The following IMPACT variants were observed in gnomAD, a reference collection of about 807,000 sequenced individuals.
The protein encoded by IMPACT is protein IMPACT.
IMPACT carries 35 observed loss-of-function variants against 47.5 expected under a neutral mutation model. The observed-to-expected ratio is 0.74, with a 90% CI of 0.56 to 0.98. The LOEUF (loss-of-function observed/expected upper bound fraction) is 0.98, where lower values mean the gene tolerates loss of function less well. IMPACT is among the 50% of genes least tolerant of loss of function. The pLI, the probability that IMPACT is intolerant of heterozygous loss-of-function variation, is 0.00. For missense variants in IMPACT, 373 were observed against 394.8 expected (o/e 0.94, Z 0.47); for synonymous variants, 118 against 125.6 (o/e 0.94, Z 0.40).
intron 7 of IMPACT, among the ~76,000 whole-genome samples, chr18:24,443,556 T>G (rs891137989): frequency 4.6e-5 from 7 of 152,196 alleles, no homozygotes; most frequent in African/African-American, 1.7e-4. Context: ...AAATACCCAT[T>G]GTGTTATTAG....
At chr18:24,448,214 C>A (rs763543133) in intron 9 of IMPACT, 31 bp downstream of exon 9, 1 of 1,413,220 alleles carries the variant, frequency 7.1e-7, no homozygotes, top group Non-Finnish European at 9.9e-7. Flanking sequence ...CAATCCTGTT[C>A]TGTACAAGCC....
At chr18:24,443,561 T>G (rs1568089144) in intron 7 of IMPACT, among the ~76,000 whole-genome samples, 1 of 152,244 alleles carries the variant, frequency 6.6e-6, no homozygotes, top group Non-Finnish European at 1.5e-5. Context: ...CCCATTGTGT[T>G]ATTAGAGAAA....
rs1432453396 is a variant in IMPACT, at chr18:24,451,038, G to A, written c.*191G>A. Reference sequence around the variant, plus strand: ...TAGAGAACTTATGATCTATTCATGTGTGTTTCAGGCTTATTTGGGAGAACT... The same window carrying A: ...TAGAGAACTTATGATCTATTCATGTATGTTTCAGGCTTATTTGGGAGAACT... On this transcript the variant is annotated 3_prime_UTR_variant, in exon 11 of 11. Transcript: ENST00000284202. 1 of 426,926 alleles carries A rather than the reference G, an allele frequency of 2.3e-6. No homozygotes were observed. The highest frequency in any genetic ancestry group is 2.0e-5 in the African/African-American group (1 of 49,120). 26.4% of individuals were successfully genotyped at this position (426,926 alleles called of 1,614,324 possible). A position where few individuals can be genotyped will look rare whatever the true frequency, so the allele number is the denominator to read the frequency against.
intron 5 of IMPACT, chr18:24,439,530 G>A (rs1313691): frequency 1.3e-5 from 2 of 152,034 alleles, no homozygotes; most frequent in Non-Finnish European, 2.9e-5. Flanking sequence ...CCAGCTACTC[G>A]GGAGGCTGAG....
intron 8 of IMPACT, among the ~76,000 whole-genome samples, chr18:24,446,056 A>T (rs1909241183): frequency 6.6e-6 from 1 of 152,148 alleles, no homozygotes; most frequent in Non-Finnish European, 1.5e-5. Context: ...CTTGATATAT[A>T]GCCAAATTTC....
At chr18:24,437,000 G>C (rs1303303320) in intron 4 of IMPACT, among the ~76,000 whole-genome samples, 2 of 152,156 alleles carry the variant, frequency 1.3e-5, no homozygotes, top group Non-Finnish European at 2.9e-5. Context: ...TTTAGTTTTA[G>C]TACTAGGAAT....
chr18:24,428,156 G>A, intron 2 of IMPACT, 109 bp downstream of exon 2: 1 of 1,083,192 alleles, frequency 9.2e-7, no homozygotes, highest in South Asian at 1.9e-5. Context: ...TTTGTTCTTG[G>A]CTTTTCTCAA....
chr18:24,445,370 T>G, intron 7 of IMPACT, 23 bp from the exon 8 acceptor site: 1 of 1,353,086 alleles, frequency 7.4e-7, no homozygotes, highest in Non-Finnish European at 1.0e-6. Flanking sequence ...AGCATACTTA[T>G]TTATATTATT....
Position 24,450,977 on chromosome 18 carries a change from T to G in IMPACT, c.*130T>G. 1.9e-6 allele frequency: 1 copy of G among 528,944 alleles called. No homozygotes were observed. The highest frequency in any genetic ancestry group is 1.9e-5 in the African/African-American group (1 of 51,578). The allele number at this position is 528,944 out of a possible 1,614,324, so 32.8% of individuals were successfully genotyped here. A position where few individuals can be genotyped will look rare whatever the true frequency, so the allele number is the denominator to read the frequency against. On this transcript the variant is annotated 3_prime_UTR_variant, in exon 11 of 11. Coordinates refer to ENST00000284202, the MANE Select transcript of IMPACT (RefSeq NM_018439.4). ...AGCCAGTTCAGCATGGATACCAACATTAGCTTTTCTTCTTGGTTATATCAT... is the reference window on the plus strand; with the variant it reads ...AGCCAGTTCAGCATGGATACCAACAGTAGCTTTTCTTCTTGGTTATATCAT...
chr18:24,427,978 CTG>C lies in IMPACT; in HGVS notation c.99_100del (p.Ala34GlnfsTer6). The C allele has an allele frequency of 6.2e-7, 1 of 1,602,560 alleles. No homozygotes were observed. Among genetic ancestry groups the C allele is most frequent in the Non-Finnish European group, 8.5e-7 (1 of 1,176,752 alleles). On this transcript the variant is annotated frameshift_variant, in exon 2 of 11. Coordinates refer to ENST00000284202, the MANE Select transcript of IMPACT (RefSeq NM_018439.4). LOFTEE classifies it high-confidence loss of function. ...GCGAGGAGTGGTGTGTCATTGATGA[CTG>C]TGCCAAAATATTTTGTATTAGAATT... ...YGEEWCVIDD[C>X]AKIFCIRISD... is the part of the protein sequence containing the mutation.
chr18:24,438,130 CTG>C (rs1341319025), intron 5 of IMPACT, 90 bp downstream of exon 5: 3 of 649,876 alleles, frequency 4.6e-6, no homozygotes, highest in Non-Finnish European at 8.0e-6. Context: ...ATGTGAAAAT[CTG>C]TATTCTGGTT....
At position 24,440,479 on chromosome 18, in the gene IMPACT, G is replaced by T; in HGVS notation, c.368-17G>T. The stretch of plus-strand genomic sequence containing the variant: ...CTTACCTGCGTCATAAAGTAATTGT[G>T]TCTCATATTCACATAGGCCCAGATG... On this transcript the variant is annotated splice_polypyrimidine_tract_variant and intron_variant, in intron 5 of 10. Transcript: ENST00000284202. 1 of 1,609,276 alleles carries T rather than the reference G, an allele frequency of 6.2e-7. No individual in the cohort carries two copies. The highest frequency in any genetic ancestry group is 8.5e-7 in the Non-Finnish European group (1 of 1,178,174).
rs1908618130 is a variant in IMPACT at position 24,426,752 on chromosome 18, G to T, written c.-5G>T. 4 of 1,244,112 alleles carry T rather than the reference G, an allele frequency of 3.2e-6. No homozygotes were observed. Among genetic ancestry groups the T allele is most frequent in the Admixed American group, 4.2e-5 (1 of 23,718 alleles). 77.1% of individuals were successfully genotyped at this position (1,244,112 alleles called of 1,614,324 possible). On this transcript the variant is annotated 5_prime_UTR_variant, in exon 1 of 11. Transcript: ENST00000284202. ...CGGCGGCTGCAGGGCAGGTCCAGGG[G>T]CCACATGGCTGAGGGGGACGCAGGG...
intron 7 of IMPACT, among the ~76,000 whole-genome samples, chr18:24,443,405 A>G (rs992620723): frequency 2.6e-5 from 4 of 152,118 alleles, no homozygotes; most frequent in South Asian, 2.1e-4. Flanking sequence ...TCTGGACTCA[A>G]TCAGCCCTCC....
intron 4 of IMPACT, among the ~76,000 whole-genome samples, chr18:24,433,365 A>G (rs1908814706): frequency 6.9e-6 from 1 of 145,254 alleles, no homozygotes; most frequent in Admixed American, 6.8e-5. Flanking sequence ...GCGCCCGGCT[A>G]ATTTTTTGTA....
chr18:24,443,222 C>T lies in IMPACT; in HGVS notation c.594+70C>T, dbSNP rs1054927621. The stretch of plus-strand genomic sequence containing the variant: ...TTCAGGTAAATGATTTTGCAATAAT[C>T]CCCTTGTTTTTACTTTTATGTTTTA... On this transcript the variant is annotated intron_variant, in intron 7 of 10. Coordinates refer to ENST00000284202, the MANE Select transcript of IMPACT (RefSeq NM_018439.4). 37 of 687,774 alleles carry T rather than the reference C, an allele frequency of 5.4e-5. 1 individual carries two copies. Among genetic ancestry groups the T allele is most frequent in the Non-Finnish European group, 8.4e-5 (34 of 402,476 alleles). 42.6% of individuals were successfully genotyped at this position (687,774 alleles called of 1,614,324 possible).
chr18:24,428,069 C>T (rs1908660848), intron 2 of IMPACT, 22 bp downstream of exon 2: 2 of 1,558,636 alleles, frequency 1.3e-6, no homozygotes, highest in Admixed American at 2.2e-5. Context: ...CCCTTCCTTG[C>T]AGCCATCTTT....
chr18:24,447,108 T>G (rs902397569), intron 8 of IMPACT, among the ~76,000 whole-genome samples: 1 of 152,218 alleles, frequency 6.6e-6, no homozygotes, highest in Non-Finnish European at 1.5e-5. Flanking sequence ...GTATTTTAAC[T>G]TTAATGTTCA....
Position 24,434,776 on chromosome 18 carries a change from A to AAAT in IMPACT, c.282-3178_282-3177insATA, listed in dbSNP as rs1164402384. Among the ~76,000 whole-genome samples, 303 of 113,992 alleles carry AAAT rather than the reference A, an allele frequency of 2.7e-3. 17 individuals carry two copies. The highest frequency in any genetic ancestry group is 0.013 in the East Asian group (55 of 4,088). 74.8% of individuals were successfully genotyped at this position (113,992 alleles called of 152,430 possible). On this transcript the variant is annotated intron_variant, in intron 4 of 10. Coordinates refer to ENST00000284202, the MANE Select transcript of IMPACT (RefSeq NM_018439.4). Reference sequence around the variant, plus strand: ...AAAACTCTGTCTCAAAAAAAAAAAAAATATATATATATATATATATGTGTG... The same window carrying AAAT: ...AAAACTCTGTCTCAAAAAAAAAAAAAAATATATATATATATATATATATGTGTG...
Sources: allele counts gnomAD v4.1 joint callset (sites outside exome capture counted in the v4.1 genomes callset), GRCh38; gene constraint gnomAD v4.1.1; transcripts MANE v1.5; gene names NCBI Gene and HGNC (gene_info 2026-07-23, HGNC 2026-07-21).